Variants in CTNNA2 observed in about 807,000 individuals in gnomAD.
CTNNA2 encodes the protein catenin alpha-2.
Under a neutral mutation model 101.0 loss-of-function variants are expected in CTNNA2, and 42 were observed. That is an observed-to-expected ratio of 0.42 (90% CI 0.32 to 0.54). The LOEUF (loss-of-function observed/expected upper bound fraction) is 0.54. Ranked by LOEUF, CTNNA2 falls within the 20% of genes least tolerant of loss-of-function variation. The pLI is 0.14. For synonymous variants in CTNNA2, 450 were observed against 456.4 expected (o/e 0.99, Z 0.18); for missense variants, 871 against 1,223.1 (o/e 0.71, Z 4.29).
At chr2:79,336,126 AATTAGG>A (rs1358064264) in intron 3 of CTNNA2, among the ~76,000 whole-genome samples, 1 of 152,160 alleles carries the variant, frequency 6.6e-6, no homozygotes, top group African/African-American at 2.4e-5. Context: ...TTTAGAATGG[AATTAGG>A]ATTGGTGCAT....
intron 3 of CTNNA2, among the ~76,000 whole-genome samples, chr2:79,332,373 A>T (rs1376005024): frequency 4.0e-5 from 6 of 151,840 alleles, no homozygotes; most frequent in Non-Finnish European, 7.4e-5. Context: ...TAAGGAATAA[A>T]CTCTGGTAGA....
At chr2:80,607,677 T>C (rs982169827) in intron 16 of CTNNA2, among the ~76,000 whole-genome samples, 7 of 151,834 alleles carry the variant, frequency 4.6e-5, no homozygotes, top group African/African-American at 1.5e-4. Flanking sequence ...TTCCAAAAAG[T>C]GTAATAGATT....
chr2:79,382,861 G>A (rs1678055346), intron 4 of CTNNA2, among the ~76,000 whole-genome samples: 2 of 152,120 alleles, frequency 1.3e-5, no homozygotes, highest in South Asian at 2.1e-4. Flanking sequence ...TGATCCACCC[G>A]CCTTGGCCTC....
chr2:79,714,623 C>G (rs1685954374), intron 2 of CTNNA2, among the ~76,000 whole-genome samples: 1 of 149,040 alleles, frequency 6.7e-6, no homozygotes, highest in Non-Finnish European at 1.5e-5. Context: ...TGTTAGGGGC[C>G]TAATTACATT....
intron 2 of CTNNA2, among the ~76,000 whole-genome samples, chr2:79,205,000 G>A (rs886921126): frequency 6.6e-6 from 1 of 152,248 alleles, no homozygotes; most frequent in African/African-American, 2.4e-5. Flanking sequence ...TAGAGCAATA[G>A]CCATCAGAAA....
At chr2:79,946,936 G>A (rs760644550) in intron 7 of CTNNA2, among the ~76,000 whole-genome samples, 3 of 152,162 alleles carry the variant, frequency 2.0e-5, no homozygotes, top group Admixed American at 1.3e-4. Flanking sequence ...GACAGACATC[G>A]TTATGTTCTG....
At chr2:80,053,899 C>T (rs1317039910) in intron 7 of CTNNA2, among the ~76,000 whole-genome samples, 3 of 152,158 alleles carry the variant, frequency 2.0e-5, no homozygotes, top group South Asian at 4.1e-4. Flanking sequence ...CATCTTCATA[C>T]GTACGTTTTA....
chr2:79,610,338 A>T (rs1343027052), intron 1 of CTNNA2, among the ~76,000 whole-genome samples: 1 of 152,088 alleles, frequency 6.6e-6, no homozygotes, highest in South Asian at 2.1e-4. Flanking sequence ...TAGTGGTAAA[A>T]ATACTTTGAA....
chr2:79,956,653 A>G (rs541675062), intron 7 of CTNNA2, among the ~76,000 whole-genome samples: 1 of 152,302 alleles, frequency 6.6e-6, no homozygotes, highest in African/African-American at 2.4e-5. Context: ...CTGAACTATC[A>G]AAGGTATCTT....
At chr2:79,950,188 G>C (rs1165404302) in intron 7 of CTNNA2, among the ~76,000 whole-genome samples, 1 of 150 alleles carries the variant, frequency 6.7e-3, no homozygotes, top group Non-Finnish European at 0.016. Context: ...AAAATGTAGT[G>C]ACATTAAGAG....
chr2:79,563,129 G>A lies in CTNNA2; in HGVS notation c.-6+49922G>A, dbSNP rs1674883391. Among the ~76,000 whole-genome samples, 3 of 140,346 alleles carry A rather than the reference G, an allele frequency of 2.1e-5. No individual in the cohort carries two copies. In the Admixed American group the frequency reaches 2.2e-4, roughly 10 times the overall value. The allele number at this position is 140,346 out of a possible 152,430, so 92.1% of individuals were successfully genotyped here. A position where few individuals can be genotyped will look rare whatever the true frequency, so the allele number is the denominator to read the frequency against. ...ACAGACAATATTTTGTTAGGCATTT[G>A]GAAAAAGGAAAACACCTAATAATAA... On this transcript the variant is annotated intron_variant, in intron 1 of 18. Transcript: ENST00000402739.
intron 4 of CTNNA2, among the ~76,000 whole-genome samples, chr2:79,471,614 G>A (rs1269131523): frequency 6.6e-6 from 1 of 152,114 alleles, no homozygotes; most frequent in Non-Finnish European, 1.5e-5. Flanking sequence ...TGAGGCAGGT[G>A]GATCACGAGA....
chr2:80,478,978 T>A (rs1482305180), intron 9 of CTNNA2, among the ~76,000 whole-genome samples: 2 of 151,894 alleles, frequency 1.3e-5, no homozygotes, highest in African/African-American at 2.4e-5. Context: ...ATGGCCATTA[T>A]AACAGTATTG....
rs569205200 is a variant in CTNNA2, at chr2:80,509,199, A to C, written c.1291-35783A>C. Among the ~76,000 whole-genome samples the C allele has an allele frequency of 3.3e-5, 5 of 152,282 alleles. No homozygotes were observed. The South Asian group carries it at 1.0e-3, about 32-fold the overall frequency. On this transcript the variant is annotated intron_variant, in intron 9 of 18. Transcript: ENST00000402739. ...TTACTACCTTGTGAAGTGTGTGGTGAAGTTCTTTATTTTCTTCATTCTACA... is the reference window on the plus strand; with the variant it reads ...TTACTACCTTGTGAAGTGTGTGGTGCAGTTCTTTATTTTCTTCATTCTACA...
At chr2:80,353,354 T>C (rs1020212766) in intron 7 of CTNNA2, among the ~76,000 whole-genome samples, 6 of 152,162 alleles carry the variant, frequency 3.9e-5, no homozygotes, top group African/African-American at 1.4e-4. Flanking sequence ...AGGAGTTATG[T>C]GGTAGCTTGG....
intron 2 of CTNNA2, among the ~76,000 whole-genome samples, chr2:79,702,290 T>C (rs1573727032): frequency 7.0e-6 from 1 of 142,824 alleles, no homozygotes; most frequent in African/African-American, 3.1e-5. Context: ...GTGAAAAATA[T>C]GAGATTCAAA....
intron 6 of CTNNA2, among the ~76,000 whole-genome samples, chr2:79,893,295 T>C (rs1684436220): frequency 1.3e-5 from 2 of 152,150 alleles, no homozygotes; most frequent in Non-Finnish European, 2.9e-5. Flanking sequence ...TCTCTTCTGC[T>C]TACACAAGAA....
rs1694828574 is a variant in CTNNA2 at position 80,574,074 on chromosome 2, C to G, written c.1742-89C>G. On this transcript the variant is annotated intron_variant, in intron 12 of 18. Transcript: ENST00000402739. ...CTTGCTCCACTTAACTTTTAGAATGCCCGAGGACCTGCCACTTCGCCCAAG... is the reference window on the plus strand; with the variant it reads ...CTTGCTCCACTTAACTTTTAGAATGGCCGAGGACCTGCCACTTCGCCCAAG... The G allele has an allele frequency of 7.9e-6, 11 of 1,391,910 alleles. No individual in the cohort carries two copies. The South Asian group carries it at 1.3e-4, about 17-fold the overall frequency. 86.2% of individuals were successfully genotyped at this position (1,391,910 alleles called of 1,614,324 possible). A position where few individuals can be genotyped will look rare whatever the true frequency, so the allele number is the denominator to read the frequency against.
At chr2:79,955,429 T>C (rs773330848) in intron 7 of CTNNA2, among the ~76,000 whole-genome samples, 2 of 152,202 alleles carry the variant, frequency 1.3e-5, no homozygotes, top group African/African-American at 2.4e-5. Flanking sequence ...GATACCCGTG[T>C]CCTCATTCCA....
Sources: gnomAD v4.1 joint callset for allele counts (sites outside exome capture counted in the v4.1 genomes callset) on GRCh38, gnomAD v4.1.1 for gene constraint, MANE v1.5 for transcripts, NCBI Gene and HGNC (gene_info 2026-07-23, HGNC 2026-07-21) for gene names.